UNC5CL: variants seen among roughly 807,000 people sequenced by gnomAD.
UNC5CL encodes unc-5 family C-terminal like.
UNC5CL carries 42 observed loss-of-function variants against 54.1 expected under a neutral mutation model. The observed-to-expected ratio is 0.78, with a 90% CI of 0.61 to 1.00. UNC5CL has a LOEUF of 1.00. UNC5CL is among the 50% of genes least tolerant of loss of function. UNC5CL has a pLI of 0.00. For synonymous variants in UNC5CL, 285 were observed against 285.1 expected (o/e 1.00, Z 0.00); for missense variants, 619 against 675.6 (o/e 0.92, Z 0.93).
At chr6:41,031,531 C>A in intron 6 of UNC5CL, 150 bp downstream of exon 6, 1 of 743,324 alleles carries the variant, frequency 1.3e-6, no homozygotes, top group Non-Finnish European at 2.3e-6. Flanking sequence ...GATCTCAGCC[C>A]CTCAAAGAGC....
chr6:41,027,840 G>T lies in UNC5CL; in HGVS notation c.*533C>A, dbSNP rs1469363906. 7.8e-5 allele frequency: 12 copies of T among 152,990 alleles called. No individual in the cohort carries two copies. Among genetic ancestry groups the T allele is most frequent in the Admixed American group, 7.2e-4 (11 of 15,288 alleles). 9.5% of individuals were successfully genotyped at this position (152,990 alleles called of 1,614,324 possible). A position where few individuals can be genotyped will look rare whatever the true frequency, so the allele number is the denominator to read the frequency against. On this transcript the variant is annotated 3_prime_UTR_variant, in exon 9 of 9. Transcript: ENST00000244565. ...TTCTCGCTGCTCCAGCCCGCACTCA[G>T]CTCTTCCCCTCTCAACTCCTAAAGC...
rs1170826934 is a variant in UNC5CL at position 41,033,045 on chromosome 6, A to C, written c.788T>G (p.Leu263Arg). 6.2e-7 allele frequency: 1 copy of C among 1,612,096 alleles called. No individual in the cohort carries two copies. The highest frequency in any genetic ancestry group is 8.5e-7 in the Non-Finnish European group (1 of 1,179,100). Residue 263 changes from leucine to arginine, a missense_variant, in exon 4 of 9, where the codon CTG (leucine) becomes CGG (arginine). Physicochemically the swap from Leu to Arg is moderately radical, Grantham distance 102. Transcript: ENST00000244565. ...CSPLVPGQSH[L>R]QLRIYFLNNT... ...GTTGAGGAAGTAGATACGCAGTTGC[A>C]GATGGGACTGTCCTGGCACCAGCGG...
Position 41,032,924 on chromosome 6 carries a change from A to C in UNC5CL, c.909T>G (p.Ala303=). The C allele has an allele frequency of 6.2e-7, 1 of 1,605,884 alleles. No homozygotes were observed. Among genetic ancestry groups the C allele is most frequent in the East Asian group, 2.2e-5 (1 of 44,676 alleles). ...GPCQLFDFNG[A]RGDQCLKLTY... is the part of the protein sequence containing the mutation. Reference sequence around the variant, plus strand: ...TGAGCTTCAGGCACTGGTCGCCCCTAGCCCCATTGAAGTCGAAGAGCTGGC... The same window carrying C: ...TGAGCTTCAGGCACTGGTCGCCCCTCGCCCCATTGAAGTCGAAGAGCTGGC... Residue 303 remains alanine, a synonymous_variant, in exon 4 of 9, where the codon GCT becomes GCG. Transcript: ENST00000244565.
Position 41,030,705 on chromosome 6 carries a change from C to T in UNC5CL, c.1170G>A (p.Glu390=). 6.2e-7 allele frequency: 1 copy of T among 1,614,122 alleles called. No individual in the cohort carries two copies. Among genetic ancestry groups the T allele is most frequent in the South Asian group, 1.1e-5 (1 of 91,080 alleles). Residue 390 remains glutamate (E), a synonymous_variant, in exon 7 of 9, where the codon GAG becomes GAA. Transcript: ENST00000244565. ...CAGGTGGTGGCGCTGCCCAGGATTC[C>T]TCCTCTGATGCCTGGAATCTGAGGA... ...MEILRFQASE[E]ESWAAPPPVS...
At position 41,034,738 on chromosome 6, in the gene UNC5CL, C is replaced by T. The variant is rs778021659; in HGVS notation, c.337G>A (p.Gly113Ser). 31 of 1,609,222 alleles carry T rather than the reference C, an allele frequency of 1.9e-5. No homozygotes were observed. The highest frequency in any genetic ancestry group is 1.1e-4 in the African/African-American group (8 of 75,020). The part of the protein sequence containing the change: ...FSAREVDHRG[G>S]CLMLQDTGIS... ...CCTGTATCCTGGAGCATCAGGCAAC[C>T]GCCGCGGTGATCCACCTCTCGAGCC... Residue 113 changes from glycine (G) to serine (S), a missense_variant, in exon 2 of 9, where the codon GGT (glycine) becomes AGT (serine). Gly to Ser is a moderately conservative substitution (Grantham distance 56, BLOSUM62 0). Coordinates refer to ENST00000244565, the MANE Select transcript of UNC5CL (RefSeq NM_173561.3).
chr6:41,033,989 G>A lies in UNC5CL; in HGVS notation c.578C>T (p.Thr193Ile), dbSNP rs1382921138. 3.1e-6 allele frequency: 5 copies of A among 1,614,182 alleles called. No individual in the cohort carries two copies. The highest frequency in any genetic ancestry group is 1.1e-5 in the South Asian group (1 of 91,088). ...CAGCAGGGTAGTGTTGCTGCTGTAG[G>A]TGCGAGCATGGCTGGGCTGCTCGGC... ...HCAEQPSHAR[T>I]YSSNTTLLDA... is the part of the protein sequence containing the mutation. Residue 193 changes from threonine to isoleucine, a missense_variant, in exon 3 of 9, where the codon ACC (threonine) becomes ATC (isoleucine). Physicochemically the swap from Thr to Ile is moderately conservative, Grantham distance 89. Transcript: ENST00000244565.
chr6:41,028,371 G>T lies in UNC5CL; in HGVS notation c.*2C>A. On this transcript the variant is annotated 3_prime_UTR_variant, in exon 9 of 9. Coordinates refer to ENST00000244565, the MANE Select transcript of UNC5CL (RefSeq NM_173561.3). The surrounding 1 kb of genome is among the most constrained non-coding windows in gnomAD (Gnocchi z 4.3). ...CCTCCTCCGGCCCTGCCCGCTGGGCGCTCAGAGCTTCTCGTCCAGCTCCAG... is the reference window on the plus strand; with the variant it reads ...CCTCCTCCGGCCCTGCCCGCTGGGCTCTCAGAGCTTCTCGTCCAGCTCCAG... The T allele has an allele frequency of 6.4e-7, 1 of 1,570,980 alleles. No homozygotes were observed. Among genetic ancestry groups the T allele is most frequent in the Non-Finnish European group, 8.6e-7 (1 of 1,159,200 alleles).
At chr6:41,038,073 G>A (rs908931004) in intron 1 of UNC5CL, among the ~76,000 whole-genome samples, 17 of 152,288 alleles carry the variant, frequency 1.1e-4, no homozygotes, top group African/African-American at 3.4e-4. Context: ...GGAAGGAGGA[G>A]CAAAGACGAA....
intron 3 of UNC5CL, chr6:41,033,612 C>A (rs139498221): frequency 1.8e-6 from 1 of 552,492 alleles, no homozygotes; most frequent in Non-Finnish European, 3.2e-6. Flanking sequence ...AAGACAGGTC[C>A]CTCTTAGATG....
In UNC5CL at chr6:41,033,969, G is replaced by C. The variant is rs1193619034; in HGVS notation, c.598C>G (p.Leu200Val). Residue 200 changes from leucine to valine, a missense_variant, in exon 3 of 9, where the codon CTG becomes GTG. Coordinates refer to ENST00000244565, the MANE Select transcript of UNC5CL (RefSeq NM_173561.3). Reference sequence around the variant, plus strand: ...GGCCTCCATACCTTGGCATCCAGCAGGGTAGTGTTGCTGCTGTAGGTGCGA... The same window carrying C: ...GGCCTCCATACCTTGGCATCCAGCACGGTAGTGTTGCTGCTGTAGGTGCGA... ...HARTYSSNTT[L>V]LDAKVWRPLG... The C allele has an allele frequency of 6.2e-7, 1 of 1,614,194 alleles. No homozygotes were observed. The highest frequency in any genetic ancestry group is 1.7e-5 in the Admixed American group (1 of 60,026).
chr6:41,034,273 C>G, intron 2 of UNC5CL, 92 bp from the exon 3 acceptor site: 1 of 1,409,730 alleles, frequency 7.1e-7, no homozygotes, highest in South Asian at 1.5e-5. Context: ...GGAGGTGGGG[C>G]AGGAGCCCAG....
intron 1 of UNC5CL, among the ~76,000 whole-genome samples, chr6:41,035,428 A>T (rs796994293): frequency 2.0e-5 from 3 of 152,348 alleles, no homozygotes; most frequent in African/African-American, 7.2e-5. Context: ...ATATTGATGT[A>T]AGGCAGGAGA....
At position 41,032,965 on chromosome 6, in the gene UNC5CL, G is replaced by A. The variant is rs139549480; in HGVS notation, c.868C>T (p.Arg290Cys). 39 of 1,602,720 alleles carry A rather than the reference G, an allele frequency of 2.4e-5. No homozygotes were observed. The highest frequency in any genetic ancestry group is 7.9e-5 in the South Asian group (7 of 89,066). Residue 290 changes from arginine (R) to cysteine (C), a missense_variant, in exon 4 of 9, where the codon CGC becomes TGC. By Grantham distance (180) the Arg-to-Cys change is radical. Transcript: ENST00000244565. ...AAGAGCTGGCAGGGCCCACGCAGGC[G>A]CCCACCATGGGGCTGCTCGTTGGTC... ...ALTNEQPHGG[R>C]LRGPCQLFDF...
chr6:41,038,652 AC>A (rs888663698), intron 1 of UNC5CL, among the ~76,000 whole-genome samples: 2 of 151,920 alleles, frequency 1.3e-5, no homozygotes, highest in African/African-American at 4.8e-5. Flanking sequence ...ACTCCTCATT[AC>A]CCACTCCTCC....
intron 2 of UNC5CL, 28 bp from the exon 3 acceptor site, chr6:41,034,209 G>C (rs1169327924): frequency 1.9e-6 from 3 of 1,572,704 alleles, no homozygotes; most frequent in African/African-American, 1.4e-5. Flanking sequence ...AGCTGAGATG[G>C]GCCTGGTAGG....
At position 41,030,682 on chromosome 6, in the gene UNC5CL, G is replaced by A; in HGVS notation, c.1193C>T (p.Pro398Leu). 6.2e-7 allele frequency: 1 copy of A among 1,614,120 alleles called. No individual in the cohort carries two copies. Among genetic ancestry groups the A allele is most frequent in the Non-Finnish European group, 8.5e-7 (1 of 1,180,012 alleles). Residue 398 changes from proline to leucine, a missense_variant, in exon 7 of 9, where the codon CCT (proline) becomes CTT (leucine). Pro to Leu is a moderately conservative substitution (Grantham distance 98, BLOSUM62 -3). Transcript: ENST00000244565. Reference protein sequence around the residue: ...SEEESWAAPPPVSQPPPCNRL... With the variant: ...SEEESWAAPPLVSQPPPCNRL... ...ATTGCATGGGGGCGGCTGGGAAACA[G>A]GTGGTGGCGCTGCCCAGGATTCCTC... is the stretch of plus-strand genomic sequence containing the variant.
chr6:41,028,209 G>A lies in UNC5CL; in HGVS notation c.*164C>T, dbSNP rs890892943. 14 of 738,206 alleles carry A rather than the reference G, an allele frequency of 1.9e-5. No homozygotes were observed. Among genetic ancestry groups the A allele is most frequent in the Non-Finnish European group, 2.5e-5 (12 of 475,720 alleles). 45.7% of individuals were successfully genotyped at this position (738,206 alleles called of 1,614,324 possible). A position where few individuals can be genotyped will look rare whatever the true frequency, so the allele number is the denominator to read the frequency against. The stretch of plus-strand genomic sequence containing the variant: ...GGACAGCTCGCGGCCGGAAGGGCGC[G>A]CCTGCTGCTGGGAGGCTGGCGAGGA... On this transcript the variant is annotated 3_prime_UTR_variant, in exon 9 of 9. Transcript: ENST00000244565. This position sits in a 1 kb window ranked among gnomAD's most constrained non-coding sequence, Gnocchi z 4.3.
chr6:41,037,064 C>T (rs1195882080), intron 1 of UNC5CL, among the ~76,000 whole-genome samples: 2 of 152,220 alleles, frequency 1.3e-5, no homozygotes, highest in African/African-American at 4.8e-5. Context: ...CTTGCTCTCC[C>T]CACTTGTTTC....
intron 1 of UNC5CL, among the ~76,000 whole-genome samples, chr6:41,035,827 G>T (rs1213421642): frequency 6.6e-6 from 1 of 152,116 alleles, no homozygotes; most frequent in African/African-American, 2.4e-5. Flanking sequence ...CCTTTTCCCT[G>T]TTTCAGCCAG....
Sources: gnomAD v4.1 joint callset for allele counts (sites outside exome capture counted in the v4.1 genomes callset) on GRCh38, gnomAD v4.1.1 for gene constraint, Gnocchi (gnomAD v3.1) non-coding constraint, MANE v1.5 for transcripts, NCBI Gene and HGNC (gene_info 2026-07-23, HGNC 2026-07-21) for gene names.